MARCHF3: variants seen among roughly 807,000 people sequenced by gnomAD.
The protein encoded by MARCHF3 is E3 ubiquitin-protein ligase MARCHF3.
MARCHF3 carries 13 observed loss-of-function variants against 24.2 expected under a neutral mutation model. That is an observed-to-expected ratio of 0.54 (90% CI 0.35 to 0.85). The LOEUF is 0.85. Ranked by LOEUF, MARCHF3 falls within the 40% of genes least tolerant of loss-of-function variation. The pLI, the probability that MARCHF3 is intolerant of heterozygous loss-of-function variation, is 0.01. For synonymous variants in MARCHF3, 144 were observed against 137.3 expected, an observed-to-expected ratio of 1.05 and a Z score of -0.34; for missense variants, 276 against 325.0, an observed-to-expected ratio of 0.85 and a Z score of 1.16.
chr5:127,001,975 G>T (rs1022616327), intron 1 of MARCHF3, among the ~76,000 whole-genome samples: 2 of 152,190 alleles, frequency 1.3e-5, no homozygotes, highest in African/African-American at 4.8e-5. Flanking sequence ...GTAATCATTT[G>T]GATGCATGCC....
intron 3 of MARCHF3, among the ~76,000 whole-genome samples, chr5:126,895,895 G>C (rs1753874149): frequency 6.6e-6 from 1 of 152,136 alleles, no homozygotes; most frequent in Non-Finnish European, 1.5e-5. Context: ...GCAGTGGCGG[G>C]CGCCCCTCCC....
chr5:126,875,257 G>A (rs181791986), intron 4 of MARCHF3, among the ~76,000 whole-genome samples: 28 of 152,272 alleles, frequency 1.8e-4, no homozygotes, highest in Non-Finnish European at 3.4e-4. Context: ...TGGGGCCCAG[G>A]TGTGCTTCTG....
At chr5:127,015,738 C>A (rs1262292846) in intron 1 of MARCHF3, among the ~76,000 whole-genome samples, 2 of 152,218 alleles carry the variant, frequency 1.3e-5, no homozygotes, top group African/African-American at 4.8e-5. Flanking sequence ...TACATCCCCC[C>A]ACTTATTTGT....
intron 1 of MARCHF3, among the ~76,000 whole-genome samples, chr5:126,982,191 G>C (rs933050626): frequency 6.6e-6 from 1 of 152,058 alleles, no homozygotes; most frequent in African/African-American, 2.4e-5. Context: ...TCTATCTCCC[G>C]CCTCCCCAGC....
At chr5:127,006,001 A>C (rs1407569155) in intron 1 of MARCHF3, among the ~76,000 whole-genome samples, 1 of 152,096 alleles carries the variant, frequency 6.6e-6, no homozygotes, top group East Asian at 1.9e-4. Context: ...CAGGAGTTCA[A>C]GACCAGCCTG....
At chr5:126,919,343 C>T (rs991071537) in intron 1 of MARCHF3, among the ~76,000 whole-genome samples, 52 of 152,200 alleles carry the variant, frequency 3.4e-4, no homozygotes, top group Non-Finnish European at 7.3e-4. Context: ...CTAGCCTGCT[C>T]ACCTCAAGCT....
At chr5:126,960,039 A>C (rs891865537) in intron 1 of MARCHF3, among the ~76,000 whole-genome samples, 19 of 152,162 alleles carry the variant, frequency 1.2e-4, no homozygotes, top group Non-Finnish European at 5.9e-5. Flanking sequence ...GAATGCTATG[A>C]AGTCAAGCTG....
chr5:126,888,594 T>C (rs911676286), intron 3 of MARCHF3, among the ~76,000 whole-genome samples: 4 of 152,182 alleles, frequency 2.6e-5, no homozygotes, highest in African/African-American at 4.8e-5. Flanking sequence ...ATCTGAAATA[T>C]GAGAAGATAC....
At chr5:126,918,793 T>G (rs2126795385) in intron 1 of MARCHF3, among the ~76,000 whole-genome samples, 1 of 152,380 alleles carries the variant, frequency 6.6e-6, no homozygotes. Flanking sequence ...CTGTACCACC[T>G]TTCGACTTTT....
At chr5:126,936,363 A>G (rs1749646378) in intron 1 of MARCHF3, among the ~76,000 whole-genome samples, 1 of 152,224 alleles carries the variant, frequency 6.6e-6, no homozygotes, top group Non-Finnish European at 1.5e-5. Context: ...TGAGATAATC[A>G]TCCAACAGCC....
chr5:127,017,977 A>G (rs77483909), intron 1 of MARCHF3, among the ~76,000 whole-genome samples: 7,841 of 152,320 alleles, frequency 0.051, 382 homozygotes, highest in South Asian at 0.14. Flanking sequence ...TTATTCACTC[A>G]TTTGTTCATT....
intron 1 of MARCHF3, among the ~76,000 whole-genome samples, chr5:126,980,190 C>T (rs1164878683): frequency 5.9e-5 from 9 of 152,036 alleles, no homozygotes; most frequent in Admixed American, 5.9e-4. Context: ...ACTAGTAGAT[C>T]CTGGAAGTGA....
chr5:126,967,000 G>A (rs1750842689), intron 1 of MARCHF3, among the ~76,000 whole-genome samples: 1 of 124,002 alleles, frequency 8.1e-6, no homozygotes, highest in Non-Finnish European at 1.7e-5. Context: ...ATGTTTTTGG[G>A]GAACAGGTGA....
rs1198385415 is a variant in MARCHF3, at chr5:126,869,640, G to C, written c.*993C>G. Reference sequence around the variant, plus strand: ...CCTGTCAAGCTAGAAATTCAATAGAGCAATGGGAATGCTAATTGACATGCA... The same window carrying C: ...CCTGTCAAGCTAGAAATTCAATAGACCAATGGGAATGCTAATTGACATGCA... On this transcript the variant is annotated 3_prime_UTR_variant, in exon 5 of 5. Transcript: ENST00000308660. The C allele has an allele frequency of 2.5e-5, 3 of 119,884 alleles. No individual in the cohort carries two copies. Among genetic ancestry groups the C allele is most frequent in the African/African-American group, 9.7e-5 (3 of 31,048 alleles). 7.4% of individuals were successfully genotyped at this position (119,884 alleles called of 1,614,324 possible). A position where few individuals can be genotyped will look rare whatever the true frequency, so the allele number is the denominator to read the frequency against.
intron 3 of MARCHF3, among the ~76,000 whole-genome samples, chr5:126,896,586 C>T (rs1753927510): frequency 6.6e-6 from 1 of 152,054 alleles, no homozygotes; most frequent in African/African-American, 2.4e-5. Flanking sequence ...ATAACTAGCC[C>T]AGTCTCTGTC....
chr5:126,899,236 G>A, intron 3 of MARCHF3: 2 of 985,302 alleles, frequency 2.0e-6, no homozygotes, highest in Non-Finnish European at 2.4e-6. Context: ...TGACAGGGGT[G>A]TTTTCTTATC....
At chr5:126,872,258 C>T (rs183914226) in intron 4 of MARCHF3, among the ~76,000 whole-genome samples, 1,659 of 151,406 alleles carry the variant, frequency 0.011, 22 homozygotes, top group Non-Finnish European at 0.016. Flanking sequence ...CAGGGTTTCT[C>T]CATGTTGGTC....
intron 1 of MARCHF3, among the ~76,000 whole-genome samples, chr5:126,978,096 G>C (rs1751264663): frequency 6.6e-6 from 1 of 152,256 alleles, no homozygotes; most frequent in Non-Finnish European, 1.5e-5. Flanking sequence ...GGCTTTGGCA[G>C]TTGAGTATTG....
intron 1 of MARCHF3, 138 bp from the exon 2 acceptor site, chr5:126,918,365 T>C (rs554277857): frequency 1.1e-4 from 64 of 597,598 alleles, no homozygotes; most frequent in African/African-American, 9.6e-4. Context: ...ATTATCTTGT[T>C]ACTGTTTAAT....
Sources: gnomAD v4.1 joint callset for allele counts (sites outside exome capture counted in the v4.1 genomes callset) on GRCh38, gnomAD v4.1.1 for gene constraint, MANE v1.5 for transcripts, NCBI Gene and HGNC (gene_info 2026-07-23, HGNC 2026-07-21) for gene names.